The following PTGIR variants were observed in gnomAD, a reference collection of about 807,000 sequenced individuals.
PTGIR encodes the protein prostacyclin receptor.
PTGIR carries 16 observed loss-of-function variants against 17.6 expected under a neutral mutation model. That is an observed-to-expected ratio of 0.91 (90% confidence interval 0.61 to 1.38). The LOEUF (loss-of-function observed/expected upper bound fraction) is 1.38. Ranked by LOEUF, PTGIR falls within the 40% of genes most tolerant of loss-of-function variation. The pLI is 0.00. For missense variants in PTGIR, 532 were observed against 548.6 expected (o/e 0.97, Z 0.30); for synonymous variants, 274 against 255.4 (o/e 1.07, Z -0.69).
chr19:46,623,249 G>T, intron 2 of PTGIR: 1 of 501,224 alleles, frequency 2.0e-6, no homozygotes, highest in Non-Finnish European at 3.3e-6. Context: ...CGCCGGCCTC[G>T]GCCTCCCAAA....
downstream of PTGIR, among the ~76,000 whole-genome samples, chr19:46,617,053 A>T (rs1371154443): frequency 1.3e-5 from 2 of 152,368 alleles, no homozygotes; most frequent in East Asian, 3.9e-4. Flanking sequence ...TGGAAAAGGG[A>T]AAAAACAGTT....
chr19:46,621,628 C>T lies in PTGIR; in HGVS notation c.813G>A (p.Glu271=), dbSNP rs1365485913. The T allele has an allele frequency of 1.2e-6, 2 of 1,613,426 alleles. No individual in the cohort carries two copies. The highest frequency in any genetic ancestry group is 1.7e-6 in the Non-Finnish European group (2 of 1,180,004). Reference sequence around the variant, plus strand: ...AGCGGAAGGCAAGGAGGTCCCCCATCTCACTGCTGCTGTCAGGGGCGACAG... The same window carrying T: ...AGCGGAAGGCAAGGAGGTCCCCCATTTCACTGCTGCTGTCAGGGGCGACAG... ...TQAVAPDSSS[E]MGDLLAFRFY... is the part of the protein sequence containing the mutation. The change falls in exon 3 of 3, where the codon GAG becomes GAA. Residue 271 remains glutamate (E), a synonymous_variant. Transcript: ENST00000291294. This position sits in a 1 kb window ranked among gnomAD's most constrained non-coding sequence, Gnocchi z 4.8.
rs996816582 is a variant in PTGIR, at chr19:46,621,118, C to A, written c.*162G>T. On this transcript the variant is annotated 3_prime_UTR_variant, in exon 3 of 3. Coordinates refer to ENST00000291294, the MANE Select transcript of PTGIR (RefSeq NM_000960.4). The surrounding 1 kb of genome is among the most constrained non-coding windows in gnomAD (Gnocchi z 4.8). ...TTTCCTCTGTCCCTCACTCTCTTCC[C>A]AGAGCCAGCAGCGACTGCCCTGCCG... is the stretch of plus-strand genomic sequence containing the variant. 1.5e-6 allele frequency: 2 copies of A among 1,326,686 alleles called. No homozygotes were observed. Among genetic ancestry groups the A allele is most frequent in the African/African-American group, 1.5e-5 (1 of 67,288 alleles). 82.2% of individuals were successfully genotyped at this position (1,326,686 alleles called of 1,614,324 possible).
Position 46,621,251 on chromosome 19 carries a change from G to C in PTGIR, c.*29C>G, listed in dbSNP as rs200293051. The C allele has an allele frequency of 6.7e-7, 1 of 1,489,898 alleles. No individual in the cohort carries two copies. The allele number at this position is 1,489,898 out of a possible 1,614,324, so 92.3% of individuals were successfully genotyped here. A position where few individuals can be genotyped will look rare whatever the true frequency, so the allele number is the denominator to read the frequency against. On this transcript the variant is annotated 3_prime_UTR_variant, in exon 3 of 3. Transcript: ENST00000291294. This position sits in a 1 kb window ranked among gnomAD's most constrained non-coding sequence, Gnocchi z 4.8. ...TCTGGCTCCTGTCGCCCGAAGACAG[G>C]GCAGAGATCACAGGGTCAGCTTGAA...
rs201057027 is a variant in PTGIR, at chr19:46,621,621, C to T, written c.820G>A (p.Asp274Asn). The T allele has an allele frequency of 1.2e-6, 2 of 1,613,470 alleles. No individual in the cohort carries two copies. Among genetic ancestry groups the T allele is most frequent in the East Asian group, 2.2e-5 (1 of 44,878 alleles). The change falls in exon 3 of 3, where the codon GAC (aspartate) becomes AAC (asparagine). Residue 274 changes from aspartate (D) to asparagine (N), a missense_variant. Coordinates refer to ENST00000291294, the MANE Select transcript of PTGIR (RefSeq NM_000960.4). The surrounding 1 kb of genome is among the most constrained non-coding windows in gnomAD (Gnocchi z 4.8). ...GCGTAGAAGCGGAAGGCAAGGAGGT[C>T]CCCCATCTCACTGCTGCTGTCAGGG... ...VAPDSSSEMG[D>N]LLAFRFYAFN... is the part of the protein sequence containing the mutation.
downstream of PTGIR, among the ~76,000 whole-genome samples, chr19:46,616,814 A>G (rs1055004953): frequency 1.3e-5 from 2 of 152,114 alleles, no homozygotes; most frequent in African/African-American, 4.8e-5. Context: ...GTCTATCTCT[A>G]TCACTGCCAT....
rs2052762076 is a variant in PTGIR at position 46,623,743 on chromosome 19, G to A, written c.483C>T (p.His161=). The change falls in exon 2 of 3, where the codon CAC becomes CAT. Residue 161 remains histidine (H), a synonymous_variant. Transcript: ENST00000291294. The part of the protein sequence containing the change: ...CALPLLGLGQ[H]QQYCPGSWCF... ...ACCAGCTGCCGGGGCAGTACTGCTG[G>A]TGTTGGCCCAGGCCCAGCAGGGGCA... 2.5e-6 allele frequency: 4 copies of A among 1,597,692 alleles called. No homozygotes were observed. Among genetic ancestry groups the A allele is most frequent in the East Asian group, 4.5e-5 (2 of 44,530 alleles).
chr19:46,619,690 T>A, downstream of PTGIR, among the ~76,000 whole-genome samples: 1 of 145,426 alleles, frequency 6.9e-6, no homozygotes, highest in African/African-American at 2.5e-5. Context: ...TTATAATAGG[T>A]TGCCCTGTGG....
chr19:46,621,132 ACTGCC>A lies in PTGIR; in HGVS notation c.*143_*147del. ...CACTCTCTTCCCAGAGCCAGCAGCG[ACTGCC>A]CTGCCGCAGGAGAAACAGCAGCTGA... On this transcript the variant is annotated 3_prime_UTR_variant, in exon 3 of 3. Transcript: ENST00000291294. This position sits in a 1 kb window ranked among gnomAD's most constrained non-coding sequence, Gnocchi z 4.8. 7.4e-7 allele frequency: 1 copy of A among 1,354,542 alleles called. No homozygotes were observed. The highest frequency in any genetic ancestry group is 9.5e-7 in the Non-Finnish European group (1 of 1,051,850). 83.9% of individuals were successfully genotyped at this position (1,354,542 alleles called of 1,614,324 possible).
chr19:46,621,080 T>G lies in PTGIR; in HGVS notation c.*200A>C. ...TTTGAGAGAACCATTCTTTCTGCAC[T>G]CCAGGATAAACGTTTCCTCTGTCCC... On this transcript the variant is annotated 3_prime_UTR_variant, in exon 3 of 3. Coordinates refer to ENST00000291294, the MANE Select transcript of PTGIR (RefSeq NM_000960.4). The surrounding 1 kb of genome is among the most constrained non-coding windows in gnomAD (Gnocchi z 4.8). The G allele has an allele frequency of 7.9e-7, 1 of 1,269,434 alleles. No individual in the cohort carries two copies. The highest frequency in any genetic ancestry group is 3.4e-5 in the South Asian group (1 of 29,698). The allele number at this position is 1,269,434 out of a possible 1,614,324, so 78.6% of individuals were successfully genotyped here. A position where few individuals can be genotyped will look rare whatever the true frequency, so the allele number is the denominator to read the frequency against.
chr19:46,619,581 G>GAA (rs1331912148), downstream of PTGIR, among the ~76,000 whole-genome samples: 34 of 87,020 alleles, frequency 3.9e-4, no homozygotes, highest in Non-Finnish European at 3.3e-4. Flanking sequence ...GAGAGAGAGA[G>GAA]AGAAAGAAAG....
Position 46,623,657 on chromosome 19 carries a change from C to A in PTGIR, c.569G>T (p.Gly190Val). Residue 190 changes from glycine (G) to valine (V), a missense_variant, in exon 2 of 3, where the codon GGC (glycine) becomes GTC (valine). Transcript: ENST00000291294. The part of the protein sequence containing the change: ...GGAAFSLAYA[G>V]LVALLVAAIF... ...GGCAGCCACCAGCAGGGCCACCAGG[C>A]CGGCGTAGGCCAGCGAGAAGGCGGC... 6.5e-7 allele frequency: 1 copy of A among 1,547,782 alleles called. No individual in the cohort carries two copies. The highest frequency in any genetic ancestry group is 8.7e-7 in the Non-Finnish European group (1 of 1,148,162).
Position 46,623,740 on chromosome 19 carries a change from C to CTGGTGT in PTGIR, c.480_485dup (p.His161_Gln162dup), listed in dbSNP as rs775971904. 1 of 1,596,410 alleles carries CTGGTGT rather than the reference C, an allele frequency of 6.3e-7. No homozygotes were observed. The highest frequency in any genetic ancestry group is 2.2e-5 in the East Asian group (1 of 44,484). On this transcript the variant is annotated inframe_insertion, in exon 2 of 3. Transcript: ENST00000291294. ...AGCACCAGCTGCCGGGGCAGTACTGCTGGTGTTGGCCCAGGCCCAGCAGGG... is the reference window on the plus strand; with the variant it reads ...AGCACCAGCTGCCGGGGCAGTACTGCTGGTGTTGGTGTTGGCCCAGGCCCAGCAGGG...
At chr19:46,616,326 CTT>C (rs1021116711), downstream of PTGIR, among the ~76,000 whole-genome samples, 22 of 66,548 alleles carry the variant, frequency 3.3e-4, no homozygotes, top group Middle Eastern at 0.014. Flanking sequence ...GACAGAAATG[CTT>C]TTTTTTTTTT....
At chr19:46,618,944 T>C (rs1038675968), downstream of PTGIR, among the ~76,000 whole-genome samples, 1 of 152,202 alleles carries the variant, frequency 6.6e-6, no homozygotes, top group African/African-American at 2.4e-5. Context: ...CAAATAACAA[T>C]AGCAACAGCT....
chr19:46,621,989 T>C lies in PTGIR; in HGVS notation c.769-317A>G, dbSNP rs2052734214. 2.0e-6 allele frequency: 2 copies of C among 985,298 alleles called. No individual in the cohort carries two copies. Among genetic ancestry groups the C allele is most frequent in the East Asian group, 1.1e-4 (1 of 8,818 alleles). The allele number at this position is 985,298 out of a possible 1,614,324, so 61.0% of individuals were successfully genotyped here. ...CTGCAAGAAGGTGGCGCCACCCGGC[T>C]GGGCCCCCTGAAACTGCCGCAGAGC... On this transcript the variant is annotated intron_variant, in intron 2 of 2. Transcript: ENST00000291294. This position sits in a 1 kb window ranked among gnomAD's most constrained non-coding sequence, Gnocchi z 4.8.
At chr19:46,615,061 C>A in the PTGIR span, among the ~76,000 whole-genome samples, 2 of 146,838 alleles carry the variant, frequency 1.4e-5, no homozygotes, top group Non-Finnish European at 1.6e-5. Flanking sequence ...TGGTGGTGGG[C>A]TCCTATAATC....
At chr19:46,615,938 A>C (rs144176612), downstream of PTGIR, among the ~76,000 whole-genome samples, 1 of 152,096 alleles carries the variant, frequency 6.6e-6, no homozygotes, top group African/African-American at 2.4e-5. Context: ...AGTCGCTGGG[A>C]ATATAGGCAC....
downstream of PTGIR, among the ~76,000 whole-genome samples, chr19:46,616,880 T>C (rs1209445491): frequency 1.3e-5 from 2 of 152,202 alleles, no homozygotes. Flanking sequence ...AACAAGACCC[T>C]GCGGAGCGGG....
Sources: allele counts gnomAD v4.1 joint callset (sites outside exome capture counted in the v4.1 genomes callset), GRCh38; gene constraint gnomAD v4.1.1; non-coding constraint Gnocchi (gnomAD v3.1); transcripts MANE v1.5; gene names NCBI Gene and HGNC (gene_info 2026-07-23, HGNC 2026-07-21).